ERC1: variants seen among roughly 807,000 people sequenced by gnomAD.
The protein encoded by ERC1 is ELKS/RAB6-interacting/CAST family member 1, also known as RAB6 interacting protein 2.
A neutral mutation model predicts 132.0 loss-of-function variants in ERC1; 56 were observed. The observed-to-expected ratio is 0.42, with a 90% CI of 0.34 to 0.53. ERC1 has a LOEUF of 0.53. ERC1 is among the 20% of genes least tolerant of loss of function. The probability of loss-of-function intolerance (pLI) is 0.03; values close to 1 mark genes in which losing one functional copy is unlikely to be tolerated. For synonymous variants in ERC1, 478 were observed against 476.1 expected (o/e 1.00, Z -0.05); for missense variants, 1,202 against 1,349.9 (o/e 0.89, Z 1.72).
intron 1 of ERC1, among the ~76,000 whole-genome samples, chr12:1,017,138 A>G (rs1338468630): frequency 6.6e-6 from 1 of 152,026 alleles, no homozygotes; most frequent in East Asian, 1.9e-4. Flanking sequence ...CTGGGGTTAC[A>G]GGTATGTGCC....
intron 15 of ERC1, among the ~76,000 whole-genome samples, chr12:1,356,054 A>T (rs1192230424): frequency 6.6e-6 from 1 of 152,084 alleles, no homozygotes; most frequent in African/African-American, 2.4e-5. Flanking sequence ...CACACAAAAA[A>T]TTAGCCAGGC....
rs73601936 is a variant in ERC1 at position 1,480,982 on chromosome 12, A to G, written c.3214-9111A>G. ...TCCCCAGTGGATGCTGAAACTGTGG[A>G]TGGTACTGAAGCCTATAGATGCTGT... On this transcript the variant is annotated intron_variant, in intron 18 of 18. Coordinates refer to ENST00000360905, the MANE Select transcript of ERC1 (RefSeq NM_178040.4). 4,433 of 699,372 alleles carry G rather than the reference A, an allele frequency of 6.3e-3. 130 individuals are homozygous for G. The African/African-American group carries it at 0.069, about 11-fold the overall frequency. The allele number at this position is 699,372 out of a possible 1,614,324, so 43.3% of individuals were successfully genotyped here. A position where few individuals can be genotyped will look rare whatever the true frequency, so the allele number is the denominator to read the frequency against.
At chr12:1,347,515 GA>G (rs1208824370) in intron 15 of ERC1, among the ~76,000 whole-genome samples, 1 of 152,138 alleles carries the variant, frequency 6.6e-6, no homozygotes, top group Non-Finnish European at 1.5e-5. Flanking sequence ...CAATTTTCAA[GA>G]TGTAGTAATT....
intron 12 of ERC1, among the ~76,000 whole-genome samples, chr12:1,215,778 AC>A (rs1958345457): frequency 6.6e-6 from 1 of 152,184 alleles, no homozygotes; most frequent in Non-Finnish European, 1.5e-5. Context: ...AGGCAAAAAA[AC>A]AAAAGAATCT....
chr12:1,391,660 C>G (rs1323014627), intron 16 of ERC1, among the ~76,000 whole-genome samples: 3 of 152,234 alleles, frequency 2.0e-5, no homozygotes, highest in South Asian at 4.1e-4. Context: ...TCCTCACAAC[C>G]TGGTGAGCAT....
chr12:1,426,678 A>G (rs1182274106), intron 17 of ERC1, among the ~76,000 whole-genome samples: 4 of 152,210 alleles, frequency 2.6e-5, no homozygotes, highest in African/African-American at 9.7e-5. Flanking sequence ...AGTGTGGTAT[A>G]GTAATGCATA....
At chr12:1,237,139 A>G (rs919664871) in intron 13 of ERC1, among the ~76,000 whole-genome samples, 33 of 152,200 alleles carry the variant, frequency 2.2e-4, no homozygotes, top group African/African-American at 7.5e-4. Context: ...TCTTGCTTCA[A>G]GTTGATCACA....
intron 15 of ERC1, among the ~76,000 whole-genome samples, chr12:1,308,580 C>T (rs879640658): frequency 3.3e-5 from 5 of 152,130 alleles, no homozygotes; most frequent in Admixed American, 2.6e-4. Flanking sequence ...AAATACTTAA[C>T]AGTTCCTAAC....
chr12:1,246,812 A>C (rs1320605090), intron 13 of ERC1, among the ~76,000 whole-genome samples: 2 of 152,224 alleles, frequency 1.3e-5, no homozygotes, highest in African/African-American at 4.8e-5. Flanking sequence ...AGACAAATGC[A>C]AATTCTGGGA....
rs776272849 is a variant in ERC1 at position 1,007,536 on chromosome 12, CTCTCTGTGTGTGTGTGTG to C, written c.-157+16216_-157+16233del. 6.4e-4 allele frequency among the ~76,000 whole-genome samples: 39 copies of C among 61,324 alleles called. No homozygotes were observed. In the South Asian group the frequency reaches 6.8e-3, roughly 11 times the overall value. The allele number at this position is 61,324 out of a possible 152,430, so 40.2% of individuals were successfully genotyped here. A position where few individuals can be genotyped will look rare whatever the true frequency, so the allele number is the denominator to read the frequency against. On this transcript the variant is annotated intron_variant, in intron 1 of 18. Coordinates refer to ENST00000360905, the MANE Select transcript of ERC1 (RefSeq NM_178040.4). The stretch of plus-strand genomic sequence containing the variant: ...GGTAATTCTCTCTCTCTCTCTCTCT[CTCTCTGTGTGTGTGTGTG>C]TGTGTGTGTGTGTGTACACACTTTG...
intron 16 of ERC1, chr12:1,385,895 A>G (rs1344209212): frequency 6.6e-6 from 1 of 152,214 alleles, no homozygotes; most frequent in East Asian, 1.9e-4. Flanking sequence ...AGGAGCCATA[A>G]CTGAAATATC....
intron 16 of ERC1, among the ~76,000 whole-genome samples, chr12:1,382,495 GTT>G (rs1019703039): frequency 2.6e-5 from 4 of 152,082 alleles, no homozygotes; most frequent in African/African-American, 9.7e-5. Context: ...CAGCTAATGT[GTT>G]TTTTATTTTT....
chr12:1,180,365 A>G (rs932403737), intron 8 of ERC1, among the ~76,000 whole-genome samples, 175 bp from the exon 9 acceptor site: 3 of 152,066 alleles, frequency 2.0e-5, no homozygotes, highest in African/African-American at 7.3e-5. Flanking sequence ...TAATTTGCCT[A>G]CAAATTTAAG....
Position 1,190,025 on chromosome 12 carries a change from A to G in ERC1, c.2324A>G (p.Lys775Arg), listed in dbSNP as rs1367568621. ...GAGGTGGAAAATGAGAAGAATGACA[A>G]AGATAAGAAGATAGCTGAGTTGGAA... is the stretch of plus-strand genomic sequence containing the variant. ...LKEVENEKND[K>R]DKKIAELERQ... The change falls in exon 12 of 19, where the codon AAA becomes AGA. Residue 775 changes from lysine to arginine, a missense_variant. Coordinates refer to ENST00000360905, the MANE Select transcript of ERC1 (RefSeq NM_178040.4). The G allele has an allele frequency of 6.2e-7, 1 of 1,613,750 alleles. No homozygotes were observed. The highest frequency in any genetic ancestry group is 8.5e-7 in the Non-Finnish European group (1 of 1,179,894).
intron 2 of ERC1, among the ~76,000 whole-genome samples, chr12:1,032,700 A>G (rs1968276417): frequency 6.6e-6 from 1 of 152,240 alleles, no homozygotes; most frequent in Non-Finnish European, 1.5e-5. Context: ...ACAGCAGAGC[A>G]GAGAAGTACA....
At chr12:1,315,336 C>T (rs2154351722) in intron 15 of ERC1, among the ~76,000 whole-genome samples, 1 of 151,034 alleles carries the variant, frequency 6.6e-6, no homozygotes, top group Non-Finnish European at 1.5e-5. Flanking sequence ...AAGTTTTCTA[C>T]AGTTTTTTTG....
intron 2 of ERC1, among the ~76,000 whole-genome samples, chr12:1,039,355 A>AAAAAAAAT (rs1969767645): frequency 1.4e-5 from 2 of 147,352 alleles, no homozygotes; most frequent in African/African-American, 5.1e-5. Flanking sequence ...AAAAAAAATA[A>AAAAAAAAT]AAATAAATAA....
At chr12:1,270,998 C>T (rs546731836) in intron 14 of ERC1, among the ~76,000 whole-genome samples, 2 of 151,948 alleles carry the variant, frequency 1.3e-5, no homozygotes, top group African/African-American at 4.8e-5. Context: ...TGGATACTTC[C>T]TTTTCTTTAA....
chr12:1,008,424 T>G (rs972995823), intron 1 of ERC1, among the ~76,000 whole-genome samples: 4 of 152,162 alleles, frequency 2.6e-5, no homozygotes, highest in African/African-American at 9.7e-5. Flanking sequence ...CATTTAAAAA[T>G]TATTGATCTA....
Sources: allele counts gnomAD v4.1 joint callset (sites outside exome capture counted in the v4.1 genomes callset), GRCh38; gene constraint gnomAD v4.1.1; transcripts MANE v1.5; gene names NCBI Gene and HGNC (gene_info 2026-07-23, HGNC 2026-07-21).